Variants in IREB2 observed in about 807,000 individuals in gnomAD.
IREB2 encodes the protein iron-responsive element-binding protein 2.
Under a neutral mutation model 118.8 loss-of-function variants are expected in IREB2, and 39 were observed. That is an observed-to-expected ratio of 0.33 (90% CI 0.25 to 0.43). The LOEUF is 0.43. Among genes scored for constraint, IREB2 ranks in the 20% least tolerant of loss-of-function variants. IREB2 has a pLI of 1.00. For missense variants in IREB2, 900 were observed against 1,147.3 expected (o/e 0.78, Z 3.11); for synonymous variants, 372 against 392.2 (o/e 0.95, Z 0.61).
intron 10 of IREB2, among the ~76,000 whole-genome samples, chr15:78,481,366 C>CTT (rs796838049): frequency 1.4e-5 from 2 of 147,576 alleles, no homozygotes; most frequent in African/African-American, 5.0e-5. Context: ...CCATGCCCGG[C>CTT]TTTTTTTTTT....
At chr15:78,438,899 CCCCGTCCACCTCCCTCT>C (rs2050800484) in intron 1 of IREB2, 1 of 153,156 alleles carries the variant, frequency 6.5e-6, no homozygotes, top group South Asian at 2.1e-4. Context: ...CTGTCTCCTC[CCCCGTCCACCTCCCTCT>C]ACAAAAAAAA....
Position 78,494,344 on chromosome 15 carries a change from T to A in IREB2, c.2595+80T>A, listed in dbSNP as rs1596017418. 2.2e-6 allele frequency: 3 copies of A among 1,389,024 alleles called. No homozygotes were observed. In the East Asian group the frequency reaches 6.9e-5, roughly 32 times the overall value. The allele number at this position is 1,389,024 out of a possible 1,614,324, so 86.0% of individuals were successfully genotyped here. ...TTTTGTCAGTAACATCCTGTCAAAG[T>A]TTATCTGGATTTTTTATAGTTATTT... On this transcript the variant is annotated intron_variant, in intron 20 of 21. Coordinates refer to ENST00000258886, the MANE Select transcript of IREB2 (RefSeq NM_004136.4).
intron 11 of IREB2, among the ~76,000 whole-genome samples, 188 bp downstream of exon 11, chr15:78,483,622 A>G (rs2051612146): frequency 6.6e-6 from 1 of 152,124 alleles, no homozygotes; most frequent in South Asian, 2.1e-4. Flanking sequence ...TCCCAGTTCC[A>G]TTGTGAGGAT....
chr15:78,444,215 A>G (rs1483518387), intron 2 of IREB2, among the ~76,000 whole-genome samples: 1 of 152,098 alleles, frequency 6.6e-6, no homozygotes, highest in African/African-American at 2.4e-5. Context: ...TCTTAAGTAG[A>G]TCTCTGAATT....
At position 78,485,603 on chromosome 15, in the gene IREB2, C is replaced by G. The variant is rs1160863423; in HGVS notation, c.1574-102C>G. 5.8e-6 allele frequency: 7 copies of G among 1,199,942 alleles called. No homozygotes were observed. The Admixed American group carries it at 1.3e-4, about 23-fold the overall frequency. The allele number at this position is 1,199,942 out of a possible 1,614,324, so 74.3% of individuals were successfully genotyped here. On this transcript the variant is annotated intron_variant, in intron 12 of 21. Transcript: ENST00000258886. ...ATGACAGTAAGTTTATGAATTCATA[C>G]TTTAATCTGTTAAATAAATTACTTC...
At position 78,443,168 on chromosome 15, in the gene IREB2, A is replaced by G. The variant is rs1029499762; in HGVS notation, c.106+3287A>G. Among the ~76,000 whole-genome samples, 10 of 152,348 alleles carry G rather than the reference A, an allele frequency of 6.6e-5. No individual in the cohort carries two copies. The East Asian group carries it at 1.9e-3, about 29-fold the overall frequency. On this transcript the variant is annotated intron_variant, in intron 2 of 21. Coordinates refer to ENST00000258886, the MANE Select transcript of IREB2 (RefSeq NM_004136.4). ...TATAAATGAGGCACAGTAGAGATTA[A>G]TAATAACTAATAATAAAATAGAACA...
intron 8 of IREB2, 28 bp from the exon 9 acceptor site, chr15:78,476,160 T>C (rs1317472896): frequency 1.3e-6 from 2 of 1,497,066 alleles, no homozygotes; most frequent in Non-Finnish European, 1.8e-6. Context: ...TGCAATTTTG[T>C]ATGTGTTTCT....
intron 5 of IREB2, among the ~76,000 whole-genome samples, chr15:78,468,836 G>A (rs995801152): frequency 6.6e-6 from 1 of 152,088 alleles, no homozygotes; most frequent in Non-Finnish European, 1.5e-5. Context: ...GTTTTATGAA[G>A]TCACTTTCTT....
chr15:78,467,883 A>C (rs2051311606), intron 5 of IREB2, among the ~76,000 whole-genome samples: 1 of 151,954 alleles, frequency 6.6e-6, no homozygotes, highest in Non-Finnish European at 1.5e-5. Flanking sequence ...GTTTTGAGAC[A>C]GAGTCTCACT....
rs371414481 is a variant in IREB2, at chr15:78,451,209, A to G, written c.106+11328A>G. The stretch of plus-strand genomic sequence containing the variant: ...TCGAACTCCTGACCTCAGATGATCC[A>G]CCCACCTCGGCCTCCCAAAGTGCTG... On this transcript the variant is annotated intron_variant, in intron 2 of 21. Transcript: ENST00000258886. Among the ~76,000 whole-genome samples the G allele has an allele frequency of 5.3e-5, 8 of 151,948 alleles. No homozygotes were observed. In the East Asian group the frequency reaches 5.8e-4, roughly 11 times the overall value.
intron 2 of IREB2, among the ~76,000 whole-genome samples, chr15:78,444,993 A>G (rs1008240806): frequency 6.6e-6 from 1 of 152,240 alleles, no homozygotes; most frequent in Admixed American, 6.5e-5. Context: ...ATTTATAAAT[A>G]AACTTTGTAT....
In IREB2 at chr15:78,473,475, T is replaced by G. The variant is rs369970616; in HGVS notation, c.1023+94T>G. On this transcript the variant is annotated intron_variant, in intron 8 of 21. Coordinates refer to ENST00000258886, the MANE Select transcript of IREB2 (RefSeq NM_004136.4). ...GAGAGCAGGGATTTGGGTTCATTAC[T>G]GCATCCTCAGGTCTCTTGACGTTAG... 39 of 964,126 alleles carry G rather than the reference T, an allele frequency of 4.0e-5. 1 individual carries two copies. 59.7% of individuals were successfully genotyped at this position (964,126 alleles called of 1,614,324 possible). A position where few individuals can be genotyped will look rare whatever the true frequency, so the allele number is the denominator to read the frequency against.
rs780063817 is a variant in IREB2, at chr15:78,497,162, A to G, written c.2632A>G (p.Ile878Val). 1.9e-6 allele frequency: 3 copies of G among 1,613,852 alleles called. No homozygotes were observed. The highest frequency in any genetic ancestry group is 1.3e-5 in the African/African-American group (1 of 74,926). Residue 878 changes from isoleucine to valine, a missense_variant, in exon 21 of 22, where the codon ATA becomes GTA. Coordinates refer to ENST00000258886, the MANE Select transcript of IREB2 (RefSeq NM_004136.4). Reference sequence around the variant, plus strand: ...TGTTTTGGCCGAAAGTTATGAAAAAATACACAAAGATCATTTGATTGGAAT... The same window carrying G: ...TGTTTTGGCCGAAAGTTATGAAAAAGTACACAAAGATCATTTGATTGGAAT... ...KAVLAESYEK[I>V]HKDHLIGIGI...
chr15:78,475,080 A>C (rs972970444), intron 8 of IREB2: 21 of 151,542 alleles, frequency 1.4e-4, no homozygotes, highest in Middle Eastern at 6.8e-3. Context: ...AAAAAAAAAA[A>C]AAAAAACCAT....
rs915632849 is a variant in IREB2, at chr15:78,442,582, T to C, written c.106+2701T>C. Among the ~76,000 whole-genome samples the C allele has an allele frequency of 9.2e-5, 14 of 152,352 alleles. No individual in the cohort carries two copies. The East Asian group carries it at 1.5e-3, about 17-fold the overall frequency. ...CAGAGTAAAGATAGTTGAGAAACAC[T>C]GTTCTAAGCTCCATGCTGACTATGT... is the stretch of plus-strand genomic sequence containing the variant. On this transcript the variant is annotated intron_variant, in intron 2 of 21. Transcript: ENST00000258886.
rs186821594 is a variant in IREB2, at chr15:78,438,265, C to A, written c.-73C>A. 6.5e-5 allele frequency: 78 copies of A among 1,195,944 alleles called. No homozygotes were observed. In the East Asian group the frequency reaches 1.7e-3, roughly 27 times the overall value. 74.1% of individuals were successfully genotyped at this position (1,195,944 alleles called of 1,614,324 possible). A position where few individuals can be genotyped will look rare whatever the true frequency, so the allele number is the denominator to read the frequency against. ...TTGCCAGTCCGCCTGTCTTCCTCCC[C>A]GTCTTCCCTGCCCGGCCTCCCCCTT... On this transcript the variant is annotated 5_prime_UTR_variant, in exon 1 of 22. Coordinates refer to ENST00000258886, the MANE Select transcript of IREB2 (RefSeq NM_004136.4).
chr15:78,490,473 C>T lies in IREB2; in HGVS notation c.2128C>T (p.Pro710Ser), dbSNP rs1469433746. The T allele has an allele frequency of 6.2e-7, 1 of 1,609,618 alleles. No individual in the cohort carries two copies. The highest frequency in any genetic ancestry group is 1.7e-5 in the Admixed American group (1 of 58,736). Residue 710 changes from proline (P) to serine (S), a missense_variant, in exon 17 of 22, where the codon CCA becomes TCA. Transcript: ENST00000258886. ...SLEAPDSVLF[P>S]WDLKSTYIRC... ...AGAAGCACCGGATTCAGTTTTGTTTCCATGGGACTTAAAGTCTACTTATAT... is the reference window on the plus strand; with the variant it reads ...AGAAGCACCGGATTCAGTTTTGTTTTCATGGGACTTAAAGTCTACTTATAT...
intron 5 of IREB2, among the ~76,000 whole-genome samples, chr15:78,467,767 T>G (rs2051308751): frequency 1.3e-5 from 2 of 152,216 alleles, no homozygotes; most frequent in African/African-American, 4.8e-5. Flanking sequence ...TTTATTTATT[T>G]TTAGAGACAA....
At chr15:78,437,701 A>T (rs2050773402), upstream of IREB2, 1 of 152,728 alleles carries the variant, frequency 6.5e-6, no homozygotes, top group African/African-American at 2.4e-5. Context: ...AGAAGTCGGC[A>T]ATCACGGAAG....
Sources: gnomAD v4.1 joint callset for allele counts (sites outside exome capture counted in the v4.1 genomes callset) on GRCh38, gnomAD v4.1.1 for gene constraint, MANE v1.5 for transcripts, NCBI Gene and HGNC (gene_info 2026-07-23, HGNC 2026-07-21) for gene names.